PCGF5: variants seen among roughly 807,000 people sequenced by gnomAD.
The protein encoded by PCGF5 is polycomb group RING finger protein 5.
Under a neutral mutation model 44.3 loss-of-function variants are expected in PCGF5, and 9 were observed. That is an observed-to-expected ratio of 0.20 (90% confidence interval 0.12 to 0.35). The LOEUF is 0.35. Among genes scored for constraint, PCGF5 ranks in the 10% least tolerant of loss-of-function variants. The pLI, the probability that PCGF5 is intolerant of heterozygous loss-of-function variation, is 1.00. For missense variants in PCGF5, 146 were observed against 305.3 expected (o/e 0.48, Z 3.89); for synonymous variants, 95 against 102.5 (o/e 0.93, Z 0.44).
chr10:91,162,286 G>A (rs937187921), upstream of PCGF5, among the ~76,000 whole-genome samples: 1 of 105,746 alleles, frequency 9.5e-6, no homozygotes, highest in African/African-American at 3.8e-5. Context: ...GGGCGGCAAG[G>A]TCACTTCTGG....
chr10:91,161,917 TACAGCACATGCACACA>T (rs544004941), upstream of PCGF5, among the ~76,000 whole-genome samples: 2 of 151,850 alleles, frequency 1.3e-5, no homozygotes, highest in Admixed American at 1.3e-4. Flanking sequence ...TCAGAGAGGG[TACAGCACATGCACACA>T]ACTGACCCCC....
At chr10:91,235,489 A>T (rs1389518217) in intron 2 of PCGF5, among the ~76,000 whole-genome samples, 3 of 152,090 alleles carry the variant, frequency 2.0e-5, no homozygotes, top group Non-Finnish European at 4.4e-5. Flanking sequence ...GGATCGCTTT[A>T]ATGTGGGAGT....
At chr10:91,159,755 A>G (rs768371131), upstream of PCGF5, among the ~76,000 whole-genome samples, 1 of 152,226 alleles carries the variant, frequency 6.6e-6, no homozygotes, top group Non-Finnish European at 1.5e-5. Flanking sequence ...TATTTTATAG[A>G]TAAGAAAACT....
At chr10:91,252,341 T>A (rs1338820671) in intron 6 of PCGF5, among the ~76,000 whole-genome samples, 1 of 152,014 alleles carries the variant, frequency 6.6e-6, no homozygotes, top group African/African-American at 2.4e-5. Context: ...TTTAATGGCA[T>A]TTTCCTATTA....
At chr10:91,251,187 GA>G in intron 5 of PCGF5, 104 bp from the exon 6 acceptor site, 1 of 881,548 alleles carries the variant, frequency 1.1e-6, no homozygotes, top group Non-Finnish European at 1.7e-6. Context: ...AAACTGTTAG[GA>G]AATTTTTTAA....
chr10:91,223,701 A>T (rs1285281701), intron 2 of PCGF5, among the ~76,000 whole-genome samples: 1 of 152,180 alleles, frequency 6.6e-6, no homozygotes, highest in East Asian at 1.9e-4. Flanking sequence ...TAATTCCAGT[A>T]AGTTATAGTT....
chr10:91,260,339 G>A (rs1168090663), intron 6 of PCGF5, among the ~76,000 whole-genome samples: 1 of 152,182 alleles, frequency 6.6e-6, no homozygotes, highest in African/African-American at 2.4e-5. Context: ...TGAAGAAATA[G>A]GAACACTTTT....
At chr10:91,192,868 C>A (rs954955969) in intron 1 of PCGF5, among the ~76,000 whole-genome samples, 2 of 152,128 alleles carry the variant, frequency 1.3e-5, no homozygotes, top group Non-Finnish European at 2.9e-5. Flanking sequence ...AAAGTCCATA[C>A]CCTAATCCTT....
At position 91,184,457 on chromosome 10, in the gene PCGF5, A is replaced by G. The variant is rs79919488; in HGVS notation, c.-184+21376A>G. 9.6e-3 allele frequency among the ~76,000 whole-genome samples: 1,466 copies of G among 152,232 alleles called. 18 individuals carry two copies. Among genetic ancestry groups the G allele is most frequent in the African/African-American group, 0.033 (1,372 of 41,532 alleles). ...GCTGTTTTGTCTGTCAGCTCCTGCAATGTTTTAGCGTGATTTTTAGCTTCC... is the reference window on the plus strand; with the variant it reads ...GCTGTTTTGTCTGTCAGCTCCTGCAGTGTTTTAGCGTGATTTTTAGCTTCC... On this transcript the variant is annotated intron_variant, in intron 1 of 9. Transcript: ENST00000614189.
intron 9 of PCGF5, among the ~76,000 whole-genome samples, chr10:91,276,698 C>T (rs1429182234): frequency 6.6e-6 from 1 of 152,164 alleles, no homozygotes; most frequent in African/African-American, 2.4e-5. Flanking sequence ...ACCTTTATCC[C>T]TAGTAGAATT....
intron 1 of PCGF5, among the ~76,000 whole-genome samples, chr10:91,198,814 A>G (rs1412723567): frequency 6.6e-6 from 1 of 152,218 alleles, no homozygotes; most frequent in African/African-American, 2.4e-5. Flanking sequence ...TGTGCAATGA[A>G]GAGCCCTTCT....
intron 9 of PCGF5, among the ~76,000 whole-genome samples, chr10:91,272,708 G>A (rs1478465786): frequency 6.6e-6 from 1 of 152,162 alleles, no homozygotes; most frequent in African/African-American, 2.4e-5. Context: ...AGGAAATGGA[G>A]GTTGCAGTGA....
intron 3 of PCGF5, 47 bp downstream of exon 3, chr10:91,240,627 T>C: frequency 8.0e-7 from 1 of 1,251,116 alleles, no homozygotes; most frequent in South Asian, 1.3e-5. Context: ...ATAAATTGAA[T>C]AGGCTCTTAA....
intron 1 of PCGF5, among the ~76,000 whole-genome samples, chr10:91,171,804 A>G (rs1208639253): frequency 6.6e-6 from 1 of 152,126 alleles, no homozygotes; most frequent in Non-Finnish European, 1.5e-5. Context: ...AGTGTGGCTG[A>G]GCTTGGGGAT....
intron 1 of PCGF5, among the ~76,000 whole-genome samples, chr10:91,202,244 C>T (rs1408172023): frequency 1.3e-5 from 2 of 152,136 alleles, no homozygotes; most frequent in Non-Finnish European, 2.9e-5. Flanking sequence ...GTTCTTCTGT[C>T]TTTTTTGATG....
At chr10:91,200,481 G>C (rs1844231342) in intron 1 of PCGF5, among the ~76,000 whole-genome samples, 1 of 152,204 alleles carries the variant, frequency 6.6e-6, no homozygotes, top group Non-Finnish European at 1.5e-5. Flanking sequence ...GATTTTATAA[G>C]CATTAATATC....
chr10:91,227,417 T>G, intron 2 of PCGF5: 1 of 1,289,592 alleles, frequency 7.8e-7, no homozygotes, highest in African/African-American at 1.5e-5. Flanking sequence ...TCAAATGGGA[T>G]GCCAGCACTC....
intron 4 of PCGF5, 49 bp from the exon 5 acceptor site, chr10:91,248,616 T>C (rs1845535027): frequency 2.5e-6 from 4 of 1,596,168 alleles, no homozygotes; most frequent in Non-Finnish European, 3.4e-6. Flanking sequence ...TCAACACTTC[T>C]ATTAAAGATT....
intron 1 of PCGF5, among the ~76,000 whole-genome samples, chr10:91,214,329 GAC>G (rs1378396411): frequency 6.6e-6 from 1 of 151,098 alleles, no homozygotes; most frequent in Non-Finnish European, 1.5e-5. Flanking sequence ...AAAAAGGAGA[GAC>G]AGACAGACAA....
Sources: gnomAD v4.1 joint callset for allele counts (sites outside exome capture counted in the v4.1 genomes callset) on GRCh38, gnomAD v4.1.1 for gene constraint, MANE v1.5 for transcripts, NCBI Gene and HGNC (gene_info 2026-07-23, HGNC 2026-07-21) for gene names.